LYAR: variants seen among roughly 807,000 people sequenced by gnomAD.
LYAR encodes cell growth-regulating nucleolar protein.
Under a neutral mutation model 45.2 loss-of-function variants are expected in LYAR, and 37 were observed. The ratio of observed to expected loss-of-function variants is 0.82; its 90% CI spans 0.63 to 1.08. LYAR has a LOEUF of 1.08. Ranked by LOEUF, LYAR falls within the 50% of genes least tolerant of loss-of-function variation. The pLI is 0.00. For synonymous variants in LYAR, 176 were observed against 155.1 expected, an observed-to-expected ratio of 1.14 and a Z score of -1.00; for missense variants, 493 against 451.0, an observed-to-expected ratio of 1.09 and a Z score of -0.84.
chr4:4,267,926 A>C lies in LYAR; in HGVS notation c.1103T>G (p.Phe368Cys), dbSNP rs1329577450. The change falls in exon 10 of 10, where the codon TTT (phenylalanine) becomes TGT (cysteine). Residue 368 changes from phenylalanine (F) to cysteine (C), a missense_variant. Phe to Cys is a radical substitution (Grantham distance 205). Transcript: ENST00000343470. Reference sequence around the variant, plus strand: ...CTTGACTTTGTCCTTTAATAACTTAAAGGTAGGGTTCTTGCTGATTTTCTT... The same window carrying C: ...CTTGACTTTGTCCTTTAATAACTTACAGGTAGGGTTCTTGCTGATTTTCTT... The part of the protein sequence containing the change: ...FNKKISKNPT[F>C]KLLKDKVKLV... The C allele has an allele frequency of 3.1e-6, 5 of 1,612,874 alleles. No homozygotes were observed. The highest frequency in any genetic ancestry group is 4.2e-6 in the Non-Finnish European group (5 of 1,179,632).
intron 8 of LYAR, among the ~76,000 whole-genome samples, 165 bp downstream of exon 8, chr4:4,273,417 TC>T (rs1263064880): frequency 6.6e-6 from 1 of 152,156 alleles, no homozygotes; most frequent in African/African-American, 2.4e-5. Context: ...TTCTCTCTTT[TC>T]TTTTCTCTCT....
At chr4:4,272,587 A>G (rs571407341) in intron 8 of LYAR, among the ~76,000 whole-genome samples, 2 of 152,316 alleles carry the variant, frequency 1.3e-5, no homozygotes, top group East Asian at 3.9e-4. Context: ...GTCTCTCTAA[A>G]TATCTTATTG....
chr4:4,269,139 A>T (rs568126312), intron 8 of LYAR, among the ~76,000 whole-genome samples: 6 of 152,304 alleles, frequency 3.9e-5, no homozygotes, highest in Admixed American at 1.3e-4. Flanking sequence ...TCTGAAAGGT[A>T]GAGACCAGCT....
rs2272739 is a variant in LYAR, at chr4:4,274,748, C to A, written c.451G>T (p.Asp151Tyr). The A allele has an allele frequency of 0.014, 21,953 of 1,604,226 alleles. 669 individuals carry two copies. The East Asian group carries it at 0.15, about 11-fold the overall frequency. Residue 151 changes from aspartate to tyrosine, a missense_variant, in exon 7 of 10, where the codon GAT becomes TAT. Asp to Tyr is a radical substitution (Grantham distance 160). Coordinates refer to ENST00000343470, the MANE Select transcript of LYAR (RefSeq NM_017816.3). ...SNSEPVNKEQ[D>Y]QRPLHPVANP... ...GCCACTGGGTGGAGTGGCCGTTGATCCTGTTCCTTATTGACTGGTTCCTTA... is the reference window on the plus strand; with the variant it reads ...GCCACTGGGTGGAGTGGCCGTTGATACTGTTCCTTATTGACTGGTTCCTTA...
intron 8 of LYAR, among the ~76,000 whole-genome samples, chr4:4,270,269 A>T (rs1718881195): frequency 7.1e-3 from 1 of 140 alleles, no homozygotes; most frequent in African/African-American, 0.025. Flanking sequence ...GTTGATTTGT[A>T]AAAAAAAAAA....
intron 8 of LYAR, among the ~76,000 whole-genome samples, chr4:4,272,318 TAAC>T (rs780194804): frequency 1.3e-4 from 20 of 152,256 alleles, no homozygotes; most frequent in African/African-American, 3.9e-4. Context: ...ACAAAAAATG[TAAC>T]AACAACAACA....
rs760166133 is a variant in LYAR, at chr4:4,273,651, T to A, written c.851A>T (p.Lys284Met). The A allele has an allele frequency of 6.2e-7, 1 of 1,611,750 alleles. No individual in the cohort carries two copies. ...RHSEVETDSK[K>M]KKMKLPEHPE... Reference sequence around the variant, plus strand: ...ATGCTCTGGGAGCTTCATCTTTTTCTTCTTAGAATCTGTTTCAACTAAGTA... The same window carrying A: ...ATGCTCTGGGAGCTTCATCTTTTTCATCTTAGAATCTGTTTCAACTAAGTA... The change falls in exon 8 of 10, where the codon AAG becomes ATG. Residue 284 changes from lysine to methionine, a missense_variant. Physicochemically the swap from Lys to Met is moderately conservative, Grantham distance 95. Coordinates refer to ENST00000343470, the MANE Select transcript of LYAR (RefSeq NM_017816.3).
At position 4,274,394 on chromosome 4, in the gene LYAR, C is replaced by G. The variant is rs772640009; in HGVS notation, c.805G>C (p.Gly269Arg). Reference sequence around the variant, plus strand: ...TCCGAGTGCCTCCGCTTCCTCTTCCCTGCGCCCACGCGTGCCTCTTCCTCA... The same window carrying G: ...TCCGAGTGCCTCCGCTTCCTCTTCCGTGCGCCCACGCGTGCCTCTTCCTCA... Reference protein sequence around the residue: ...ASEEEARVGAGKRKRRHSEVE... With the variant: ...ASEEEARVGARKRKRRHSEVE... The change falls in exon 7 of 10, where the codon GGG (glycine) becomes CGG (arginine). Residue 269 changes from glycine (G) to arginine (R), a missense_variant. Transcript: ENST00000343470. The G allele has an allele frequency of 6.2e-7, 1 of 1,613,372 alleles. No homozygotes were observed. Among genetic ancestry groups the G allele is most frequent in the South Asian group, 1.1e-5 (1 of 90,982 alleles).
Position 4,276,136 on chromosome 4 carries a change from T to C in LYAR, c.430-1367A>G, listed in dbSNP as rs139748522. Among the ~76,000 whole-genome samples the C allele has an allele frequency of 2.1e-3, 327 of 152,312 alleles. 2 individuals carry two copies. The highest frequency in any genetic ancestry group is 7.6e-3 in the African/African-American group (316 of 41,550). On this transcript the variant is annotated intron_variant, in intron 6 of 9. Coordinates refer to ENST00000343470, the MANE Select transcript of LYAR (RefSeq NM_017816.3). The stretch of plus-strand genomic sequence containing the variant: ...TGGAGCAATTCATTGAACTGTTCCA[T>C]GTTCCCTGATGCCTCTGGAGGGAAA...
rs754215862 is a variant in LYAR, at chr4:4,274,551, C to G, written c.648G>C (p.Arg216Ser). The G allele has an allele frequency of 6.2e-7, 1 of 1,614,034 alleles. No homozygotes were observed. The highest frequency in any genetic ancestry group is 2.2e-5 in the East Asian group (1 of 44,878). Residue 216 changes from arginine to serine, a missense_variant, in exon 7 of 10, where the codon AGG (arginine) becomes AGC (serine). Arg to Ser is a moderately radical substitution (Grantham distance 110). Coordinates refer to ENST00000343470, the MANE Select transcript of LYAR (RefSeq NM_017816.3). Reference protein sequence around the residue: ...LKLENHQENSRNQKPKKRKKG... With the variant: ...LKLENHQENSSNQKPKKRKKG... ...TTTTGCGCTTCTTAGGCTTCTGATT[C>G]CTTGAGTTTTCCTGGTGGTTTTCTA...
chr4:4,289,180 T>C (rs1719751344), intron 1 of LYAR, among the ~76,000 whole-genome samples: 1 of 152,168 alleles, frequency 6.6e-6, no homozygotes, highest in African/African-American at 2.4e-5. Flanking sequence ...CCCTGGGAAG[T>C]AGGTGCACCT....
chr4:4,284,168 G>A (rs1013092486), intron 2 of LYAR, among the ~76,000 whole-genome samples: 1 of 152,176 alleles, frequency 6.6e-6, no homozygotes, highest in African/African-American at 2.4e-5. Context: ...ATTTAAACCT[G>A]GCAGATTGGC....
intron 6 of LYAR, among the ~76,000 whole-genome samples, chr4:4,276,179 GCTTC>G (rs1377145679): frequency 2.0e-5 from 3 of 152,104 alleles, no homozygotes; most frequent in Non-Finnish European, 4.4e-5. Flanking sequence ...GCCAGTGGCT[GCTTC>G]CAGGTGTGAG....
At chr4:4,287,179 T>C (rs543150194) in intron 1 of LYAR, among the ~76,000 whole-genome samples, 2 of 152,264 alleles carry the variant, frequency 1.3e-5, no homozygotes, top group Admixed American at 1.3e-4. Flanking sequence ...CTCTGCCCAA[T>C]GTCCAGTCCC....
chr4:4,277,764 C>T (rs1227237541), intron 6 of LYAR, among the ~76,000 whole-genome samples: 1 of 152,154 alleles, frequency 6.6e-6, no homozygotes, highest in Non-Finnish European at 1.5e-5. Flanking sequence ...ACAGTTGCAT[C>T]CACAGTGATC....
chr4:4,274,249 A>AC (rs1491484320), intron 7 of LYAR, 118 bp downstream of exon 7: 27 of 1,184,068 alleles, frequency 2.3e-5, no homozygotes, highest in South Asian at 3.2e-5. Flanking sequence ...AAAAAACAAA[A>AC]AAAAAAAAAA....
intron 8 of LYAR, 45 bp from the exon 9 acceptor site, chr4:4,268,660 C>G: frequency 7.6e-7 from 1 of 1,323,762 alleles, no homozygotes; most frequent in Non-Finnish European, 1.1e-6. Context: ...TTTTGTTGTA[C>G]TACGAGAAGG....
chr4:4,285,152 C>T (rs768972527), intron 2 of LYAR, among the ~76,000 whole-genome samples: 14 of 151,700 alleles, frequency 9.2e-5, no homozygotes, highest in African/African-American at 3.4e-4. Flanking sequence ...TCAGCTTCTA[C>T]GCTACATACA....
chr4:4,287,767 G>C (rs978355235), intron 1 of LYAR, among the ~76,000 whole-genome samples: 8 of 152,152 alleles, frequency 5.3e-5, no homozygotes, highest in African/African-American at 1.9e-4. Context: ...CTGGGACCTT[G>C]AGGTCCTCAT....
Sources: gnomAD v4.1 joint callset for allele counts (sites outside exome capture counted in the v4.1 genomes callset) on GRCh38, gnomAD v4.1.1 for gene constraint, MANE v1.5 for transcripts, NCBI Gene and HGNC (gene_info 2026-07-23, HGNC 2026-07-21) for gene names.